The following RNF216 variants were observed in gnomAD, a reference collection of about 807,000 sequenced individuals.
The protein encoded by RNF216 is E3 ubiquitin-protein ligase RNF216.
RNF216 carries 72 observed loss-of-function variants against 110.8 expected under a neutral mutation model. The observed-to-expected ratio is 0.65, with a 90% CI of 0.54 to 0.79. The LOEUF is 0.79. Among genes scored for constraint, RNF216 ranks in the 30% least tolerant of loss-of-function variants. RNF216 has a pLI of 0.00. For synonymous variants in RNF216, 495 were observed against 407.5 expected (o/e 1.21, Z -2.59); for missense variants, 1,342 against 1,141.2 (o/e 1.18, Z -2.54).
chr7:5,654,112 G>C (rs1318081924), intron 13 of RNF216, among the ~76,000 whole-genome samples: 4 of 152,182 alleles, frequency 2.6e-5, no homozygotes, highest in African/African-American at 9.7e-5. Context: ...ACGTGCAAAA[G>C]ACAGAAGCTA....
At chr7:5,756,153 TG>T (rs762483308) in intron 2 of RNF216, among the ~76,000 whole-genome samples, 13 of 152,136 alleles carry the variant, frequency 8.5e-5, no homozygotes. Flanking sequence ...TTATATGCAC[TG>T]GCATTTCCCC....
chr7:5,711,735 A>G (rs778993881), intron 13 of RNF216, 26 bp downstream of exon 13: 2 of 1,593,194 alleles, frequency 1.3e-6, no homozygotes, highest in Admixed American at 1.7e-5. Flanking sequence ...TTCAATATAC[A>G]TCTAGAAAAA....
At chr7:5,670,379 C>A (rs1562809790) in intron 13 of RNF216, among the ~76,000 whole-genome samples, 1 of 152,156 alleles carries the variant, frequency 6.6e-6, no homozygotes, top group Non-Finnish European at 1.5e-5. Flanking sequence ...GTGGGCTCCT[C>A]TGATGTGCAT....
intron 15 of RNF216, among the ~76,000 whole-genome samples, chr7:5,633,761 G>A (rs541137115): frequency 2.0e-5 from 3 of 152,298 alleles, no homozygotes; most frequent in South Asian, 4.1e-4. Context: ...GGAGGAAGAC[G>A]CAGCAAGAGC....
At chr7:5,756,343 T>G (rs1795642512) in intron 2 of RNF216, among the ~76,000 whole-genome samples, 1 of 152,230 alleles carries the variant, frequency 6.6e-6, no homozygotes, top group Non-Finnish European at 1.5e-5. Flanking sequence ...GAAAGCAGAC[T>G]AATACAGTTG....
chr7:5,702,576 CT>C (rs1239703923), intron 13 of RNF216, among the ~76,000 whole-genome samples: 1 of 152,024 alleles, frequency 6.6e-6, no homozygotes, highest in African/African-American at 2.4e-5. Flanking sequence ...TTTTCTTCTT[CT>C]TTAAAAGAAT....
chr7:5,687,961 C>T (rs1183329262), intron 13 of RNF216, among the ~76,000 whole-genome samples: 3 of 152,194 alleles, frequency 2.0e-5, no homozygotes, highest in Non-Finnish European at 1.5e-5. Context: ...CCACAGTTAA[C>T]ATCTTGCCAT....
chr7:5,646,811 A>C (rs1294020871), intron 14 of RNF216, among the ~76,000 whole-genome samples: 1 of 152,130 alleles, frequency 6.6e-6, no homozygotes, highest in Non-Finnish European at 1.5e-5. Context: ...TGAAAGAACC[A>C]ATCCTCCCAT....
intron 13 of RNF216, among the ~76,000 whole-genome samples, chr7:5,704,899 A>T (rs1344218597): frequency 1.3e-5 from 2 of 152,236 alleles, no homozygotes; most frequent in African/African-American, 4.8e-5. Context: ...TGTTATCCAT[A>T]GGTGAAAGTC....
At chr7:5,679,544 T>A (rs1315002331) in intron 13 of RNF216, among the ~76,000 whole-genome samples, 2 of 152,052 alleles carry the variant, frequency 1.3e-5, no homozygotes, top group Non-Finnish European at 2.9e-5. Context: ...CCCTTGAGGG[T>A]CCTCCCTGCC....
intron 3 of RNF216, among the ~76,000 whole-genome samples, chr7:5,748,314 C>T (rs373311978): frequency 2.2e-4 from 34 of 152,178 alleles, no homozygotes; most frequent in African/African-American, 8.0e-4. Context: ...TGAAACTCTA[C>T]CCCAGGGAAG....
intron 1 of RNF216, among the ~76,000 whole-genome samples, chr7:5,770,175 A>T (rs193055257): frequency 4.0e-5 from 6 of 151,778 alleles, no homozygotes; most frequent in South Asian, 2.1e-4. Flanking sequence ...AAACAAGATT[A>T]CTTGGGCTGG....
chr7:5,655,363 C>T (rs1054443444), intron 13 of RNF216, among the ~76,000 whole-genome samples: 2 of 152,116 alleles, frequency 1.3e-5, no homozygotes, highest in South Asian at 4.1e-4. Context: ...TTTGGGAGGC[C>T]GAGGCGGAGG....
intron 15 of RNF216, among the ~76,000 whole-genome samples, chr7:5,626,041 A>C (rs1194456068): frequency 6.6e-6 from 1 of 152,172 alleles, no homozygotes; most frequent in Non-Finnish European, 1.5e-5. Context: ...AAGAGAGGAG[A>C]GGTGACAAAG....
At chr7:5,759,067 G>T (rs78960176) in intron 2 of RNF216, among the ~76,000 whole-genome samples, 9 of 152,132 alleles carry the variant, frequency 5.9e-5, no homozygotes. Flanking sequence ...CGTTCTGGTT[G>T]CAACAGTGAG....
intron 13 of RNF216, among the ~76,000 whole-genome samples, chr7:5,703,616 G>A (rs1792107554): frequency 6.6e-6 from 1 of 152,222 alleles, no homozygotes; most frequent in African/African-American, 2.4e-5. Flanking sequence ...AAAACAAGCA[G>A]GGAAGAAAGC....
intron 11 of RNF216, chr7:5,713,248 AG>A (rs1466632212): frequency 6.3e-6 from 1 of 159,638 alleles, no homozygotes; most frequent in Non-Finnish European, 1.4e-5. Context: ...GGGGAGGGGC[AG>A]GGACTCAAAG....
intron 15 of RNF216, among the ~76,000 whole-genome samples, chr7:5,628,626 G>C (rs1021632736): frequency 1.3e-5 from 2 of 151,776 alleles, no homozygotes; most frequent in Admixed American, 1.3e-4. Flanking sequence ...GGGCTCAAGA[G>C]ATCTTCCTGC....
intron 10 of RNF216, among the ~76,000 whole-genome samples, chr7:5,716,102 G>A (rs1793046855): frequency 6.6e-6 from 1 of 152,016 alleles, no homozygotes; most frequent in African/African-American, 2.4e-5. Context: ...ATGTTGACCA[G>A]GTTAGTCTCA....
Sources: gnomAD v4.1 joint callset for allele counts (sites outside exome capture counted in the v4.1 genomes callset) on GRCh38, gnomAD v4.1.1 for gene constraint, MANE v1.5 for transcripts, NCBI Gene and HGNC (gene_info 2026-07-23, HGNC 2026-07-21) for gene names.